The following YIPF6 variants were observed in gnomAD, a reference collection of about 807,000 sequenced individuals.
YIPF6 encodes the protein protein YIPF6.
YIPF6 carries 3 observed loss-of-function variants against 16.8 expected under a neutral mutation model. The observed-to-expected ratio is 0.18, with a 90% confidence interval of 0.08 to 0.46. YIPF6 has a LOEUF of 0.46. Ranked by LOEUF, YIPF6 falls within the 20% of genes least tolerant of loss-of-function variation. YIPF6 has a pLI of 0.98. For missense variants in YIPF6, 145 were observed against 184.9 expected, an observed-to-expected ratio of 0.78 and a Z score of 1.25; for synonymous variants, 67 against 61.9, an observed-to-expected ratio of 1.08 and a Z score of -0.38.
Position 68,535,002 on chromosome X carries a change from A to G in YIPF6, c.*3003A>G, listed in dbSNP as rs2079185953. 1 of 112,541 alleles carries G rather than the reference A, an allele frequency of 8.9e-6. No homozygotes were observed. The highest frequency in any genetic ancestry group is 9.4e-5 in the Admixed American group (1 of 10,625). The allele number at this position is 112,541 out of a possible 1,213,427, so 9.3% of individuals were successfully genotyped here. A position where few individuals can be genotyped will look rare whatever the true frequency, so the allele number is the denominator to read the frequency against. Reference sequence around the variant, plus strand: ...ATAGGACGGGTAAAGACTGGATTTAATTGCTGTTCAGAGTATAAAAACTCA... The same window carrying G: ...ATAGGACGGGTAAAGACTGGATTTAGTTGCTGTTCAGAGTATAAAAACTCA... On this transcript the variant is annotated 3_prime_UTR_variant, in exon 7 of 7. Transcript: ENST00000462683.
chrX:68,508,661 C>T (rs1318648095), intron 1 of YIPF6, among the ~76,000 whole-genome samples: 1 of 112,100 alleles, frequency 8.9e-6, no homozygotes, highest in Non-Finnish European at 1.9e-5. Flanking sequence ...CTAGCATTGC[C>T]ATCTGATTCT....
chrX:68,508,901 G>A (rs1028174988), intron 1 of YIPF6, among the ~76,000 whole-genome samples: 1 of 111,471 alleles, frequency 9.0e-6, no homozygotes, highest in Non-Finnish European at 1.9e-5. Context: ...TGGACATCAT[G>A]TACACACTGC....
chrX:68,534,005 G>A lies in YIPF6; in HGVS notation c.*2006G>A, dbSNP rs1021488440. ...ATTCCTAAGGCCACAGCTTTGGGGGGTTCGTGTAGATGTACATGGTGGGTG... is the reference window on the plus strand; with the variant it reads ...ATTCCTAAGGCCACAGCTTTGGGGGATTCGTGTAGATGTACATGGTGGGTG... On this transcript the variant is annotated 3_prime_UTR_variant, in exon 7 of 7. Transcript: ENST00000462683. 8.9e-6 allele frequency: 1 copy of A among 111,984 alleles called. No homozygotes were observed. The highest frequency in any genetic ancestry group is 1.9e-5 in the Non-Finnish European group (1 of 53,136). The allele number at this position is 111,984 out of a possible 1,213,427, so 9.2% of individuals were successfully genotyped here.
At chrX:68,518,710 T>G in intron 3 of YIPF6, 60 bp from the exon 4 acceptor site, 2 of 1,134,362 alleles carry the variant, frequency 1.8e-6, no homozygotes, top group Non-Finnish European at 2.4e-6. Flanking sequence ...GGGAGAGAGG[T>G]AGATATTAGA....
At chrX:68,519,246 A>G (rs1488990975) in intron 4 of YIPF6, among the ~76,000 whole-genome samples, 1 of 111,546 alleles carries the variant, frequency 9.0e-6, no homozygotes, top group Non-Finnish European at 1.9e-5. Context: ...TTCCATACAC[A>G]TTGTAGGTAA....
intron 3 of YIPF6, 117 bp from the exon 4 acceptor site, chrX:68,518,653 G>A (rs890738601): frequency 1.4e-5 from 12 of 838,301 alleles, no homozygotes; most frequent in Non-Finnish European, 2.0e-5. Flanking sequence ...AGGAGAGGTA[G>A]GAAGGCTTGG....
chrX:68,514,563 C>T (rs1421902300), intron 3 of YIPF6: 1 of 111,561 alleles, frequency 9.0e-6, no homozygotes, highest in African/African-American at 3.3e-5. Context: ...TGCCCCACCA[C>T]CACATCCAGC....
At chrX:68,499,832 G>A (rs938500541) in intron 1 of YIPF6, among the ~76,000 whole-genome samples, 1 of 111,631 alleles carries the variant, frequency 9.0e-6, no homozygotes, top group African/African-American at 3.3e-5. Context: ...TAGAGACGGG[G>A]TTTTACCATG....
chrX:68,527,344 T>C (rs2079152813), intron 6 of YIPF6, among the ~76,000 whole-genome samples: 1 of 111,593 alleles, frequency 9.0e-6, no homozygotes, highest in Non-Finnish European at 1.9e-5. Context: ...TTTTATTGTG[T>C]CTATCTGATT....
chrX:68,511,720 A>G (rs1007023562), intron 1 of YIPF6, 129 bp from the exon 2 acceptor site: 1 of 690,210 alleles, frequency 1.4e-6, no homozygotes, highest in African/African-American at 2.2e-5. Flanking sequence ...ATGTCTGTTG[A>G]GCTAACACCT....
chrX:68,516,935 C>T (rs1602460569), intron 3 of YIPF6, among the ~76,000 whole-genome samples: 1 of 110,309 alleles, frequency 9.1e-6, no homozygotes. Context: ...TCTCCTGCCT[C>T]AGCCTCCCTA....
intron 1 of YIPF6, among the ~76,000 whole-genome samples, chrX:68,499,849 A>G (rs1043030448): frequency 8.0e-5 from 9 of 111,826 alleles, no homozygotes; most frequent in African/African-American, 2.9e-4. Context: ...CATGTTGCCC[A>G]GGCTGGTCTC....
In YIPF6 at chrX:68,510,553, T is replaced by C. The variant is rs187937943; in HGVS notation, c.58-1296T>C. ...AGTGTGGTTAAGAAATTGTTTTTGTTTTATTTTATTTTATTTTATTTTATA... is the reference window on the plus strand; with the variant it reads ...AGTGTGGTTAAGAAATTGTTTTTGTCTTATTTTATTTTATTTTATTTTATA... On this transcript the variant is annotated intron_variant, in intron 1 of 6. Coordinates refer to ENST00000462683, the MANE Select transcript of YIPF6 (RefSeq NM_173834.4). The C allele has an allele frequency of 4.6e-4, 45 of 98,633 alleles. No homozygotes were observed. The East Asian group carries it at 0.012, about 27-fold the overall frequency. 8.1% of individuals were successfully genotyped at this position (98,633 alleles called of 1,213,427 possible).
At chrX:68,510,565 T>C (rs1433286724) in intron 1 of YIPF6, 1 of 102,994 alleles carries the variant, frequency 9.7e-6, no homozygotes, top group Non-Finnish European at 1.9e-5. Context: ...TATTTTATTT[T>C]ATTTTATTTT....
At position 68,518,918 on chromosome X, in the gene YIPF6, T is replaced by C; in HGVS notation, c.308+106T>C. On this transcript the variant is annotated intron_variant, in intron 4 of 6. Transcript: ENST00000462683. ...GATTGAATATTTCATTTAGGACTTA[T>C]ATGACATGTTGTACATGTTATACTC... is the stretch of plus-strand genomic sequence containing the variant. 4 of 794,327 alleles carry C rather than the reference T, an allele frequency of 5.0e-6. No individual in the cohort carries two copies. In the South Asian group the frequency reaches 9.1e-5, roughly 18 times the overall value. 65.5% of individuals were successfully genotyped at this position (794,327 alleles called of 1,213,427 possible).
intron 4 of YIPF6, among the ~76,000 whole-genome samples, chrX:68,519,569 A>G (rs2079117812): frequency 9.1e-6 from 1 of 109,779 alleles, no homozygotes; most frequent in South Asian, 4.0e-4. Flanking sequence ...TCACATAATC[A>G]GTGGTAGACC....
Position 68,535,018 on chromosome X carries a change from TA to T in YIPF6, c.*3024del, listed in dbSNP as rs2079186069. 4 of 112,642 alleles carry T rather than the reference TA, an allele frequency of 3.6e-5. No homozygotes were observed. The highest frequency in any genetic ancestry group is 7.3e-4 in the South Asian group (2 of 2,748). 9.3% of individuals were successfully genotyped at this position (112,642 alleles called of 1,213,427 possible). On this transcript the variant is annotated 3_prime_UTR_variant, in exon 7 of 7. Coordinates refer to ENST00000462683, the MANE Select transcript of YIPF6 (RefSeq NM_173834.4). ...CTGGATTTAATTGCTGTTCAGAGTA[TA>T]AAAACTCAATTGATTCCAACATATC...
At chrX:68,499,199 G>A in intron 1 of YIPF6, 76 bp downstream of exon 1, 2 of 1,107,100 alleles carry the variant, frequency 1.8e-6, no homozygotes, top group Non-Finnish European at 2.4e-6. Flanking sequence ...GGACGGGCTC[G>A]TGGCCTGAGA....
intron 4 of YIPF6, among the ~76,000 whole-genome samples, chrX:68,520,623 C>T (rs1416336830): frequency 1.8e-5 from 2 of 111,108 alleles, no homozygotes; most frequent in Non-Finnish European, 3.8e-5. Context: ...AGGCGTGTAC[C>T]ACCATGGCCA....
Sources: gnomAD v4.1 joint callset for allele counts (sites outside exome capture counted in the v4.1 genomes callset) on GRCh38, gnomAD v4.1.1 for gene constraint, MANE v1.5 for transcripts, NCBI Gene and HGNC (gene_info 2026-07-23, HGNC 2026-07-21) for gene names.